DHRSX: variants seen among roughly 807,000 people sequenced by gnomAD.
DHRSX encodes polyprenol dehydrogenase.
DHRSX carries 31 observed loss-of-function variants against 34.0 expected under a neutral mutation model. The ratio of observed to expected loss-of-function variants is 0.91; its 90% confidence interval spans 0.69 to 1.23. The LOEUF (loss-of-function observed/expected upper bound fraction) is 1.23, where lower values mean the gene tolerates loss of function less well. Ranked by LOEUF, DHRSX falls within the 50% of genes most tolerant of loss-of-function variation. The pLI is 0.00. For synonymous variants in DHRSX, 201 were observed against 183.8 expected, an observed-to-expected ratio of 1.09 and a Z score of -0.76; for missense variants, 414 against 428.1, an observed-to-expected ratio of 0.97 and a Z score of 0.29.
chrX:2,233,007 T>C (rs2015931816), intron 6 of DHRSX, among the ~76,000 whole-genome samples: 1 of 152,198 alleles, frequency 6.6e-6, no homozygotes, highest in African/African-American at 2.4e-5. Context: ...TACCTGTTTC[T>C]GTACAGGCTA....
At chrX:2,358,839 C>T (rs1478443466) in intron 3 of DHRSX, among the ~76,000 whole-genome samples, 1 of 151,798 alleles carries the variant, frequency 6.6e-6, no homozygotes, top group Non-Finnish European at 1.5e-5. Context: ...ACCAAAGCTA[C>T]TTGCGAGGCT....
At chrX:2,339,835 G>A (rs2042618514) in intron 3 of DHRSX, among the ~76,000 whole-genome samples, 1 of 152,060 alleles carries the variant, frequency 6.6e-6, no homozygotes, top group Non-Finnish European at 1.5e-5. Flanking sequence ...ACATACGTGT[G>A]CATGTGTCTT....
intron 3 of DHRSX, among the ~76,000 whole-genome samples, chrX:2,305,414 T>C (rs1335982705): frequency 3.3e-5 from 5 of 152,090 alleles, no homozygotes; most frequent in Non-Finnish European, 4.4e-5. Flanking sequence ...AGTTCAACCA[T>C]TGTGGAAGAC....
chrX:2,495,447 G>C (rs1295009039), intron 1 of DHRSX, among the ~76,000 whole-genome samples: 1 of 152,016 alleles, frequency 6.6e-6, no homozygotes, highest in African/African-American at 2.4e-5. Flanking sequence ...CTAGTACCTG[G>C]AGTGAAGTTT....
chrX:2,246,748 G>GAAAGAAAGA (rs776138629), intron 5 of DHRSX, among the ~76,000 whole-genome samples: 3 of 103,876 alleles, frequency 2.9e-5, no homozygotes, highest in South Asian at 3.1e-4. Context: ...AAGAAAGAAA[G>GAAAGAAAGA]AAAAAGAAAG....
At chrX:2,468,272 G>A (rs1315940030) in intron 1 of DHRSX, among the ~76,000 whole-genome samples, 1 of 152,154 alleles carries the variant, frequency 6.6e-6, no homozygotes, top group Non-Finnish European at 1.5e-5. Context: ...CAAGGGTGTA[G>A]GGGAAGAAGG....
At chrX:2,246,559 G>T (rs1208108251) in intron 5 of DHRSX, among the ~76,000 whole-genome samples, 1 of 151,668 alleles carries the variant, frequency 6.6e-6, no homozygotes, top group African/African-American at 2.4e-5. Context: ...GGAGGTGGAG[G>T]TTGCAGTGAC....
chrX:2,260,281 T>C (rs1313708667), intron 5 of DHRSX, among the ~76,000 whole-genome samples: 1 of 148,592 alleles, frequency 6.7e-6, no homozygotes, highest in African/African-American at 2.5e-5. Flanking sequence ...CCTAGATGTT[T>C]GATTGAATGT....
intron 3 of DHRSX, among the ~76,000 whole-genome samples, chrX:2,399,844 G>A (rs2043464860): frequency 6.6e-6 from 1 of 151,648 alleles, no homozygotes. Context: ...ACCAGCCTGG[G>A]CGACATAATG....
At chrX:2,336,396 G>A (rs1485888589) in intron 3 of DHRSX, 2 of 152,054 alleles carry the variant, frequency 1.3e-5, no homozygotes, top group Admixed American at 6.6e-5. Flanking sequence ...TTCTCATTAC[G>A]TCAGACATCT....
intron 2 of DHRSX, among the ~76,000 whole-genome samples, chrX:2,414,773 C>A (rs911080962): frequency 2.0e-5 from 3 of 151,836 alleles, no homozygotes; most frequent in Non-Finnish European, 4.4e-5. Context: ...ACCTAACACA[C>A]CTGGGTCTCA....
intron 3 of DHRSX, among the ~76,000 whole-genome samples, chrX:2,295,928 C>T (rs769030246): frequency 6.6e-6 from 1 of 152,238 alleles, no homozygotes; most frequent in Admixed American, 6.5e-5. Flanking sequence ...CATACGTAGC[C>T]CATTCTCTTG....
intron 1 of DHRSX, among the ~76,000 whole-genome samples, chrX:2,451,106 A>G (rs1463803092): frequency 6.6e-6 from 1 of 151,908 alleles, no homozygotes; most frequent in Non-Finnish European, 1.5e-5. Context: ...AAGGTATTTT[A>G]TTTTAGCAGC....
chrX:2,404,813 G>C (rs2043531699), intron 3 of DHRSX, among the ~76,000 whole-genome samples: 1 of 152,084 alleles, frequency 6.6e-6, no homozygotes, highest in African/African-American at 2.4e-5. Flanking sequence ...TAATCCGACG[G>C]GGTCGGTACA....
At chrX:2,226,828 A>C (rs185777244) in intron 6 of DHRSX, among the ~76,000 whole-genome samples, 2,627 of 152,128 alleles carry the variant, frequency 0.017, 88 homozygotes, top group African/African-American at 0.061. Context: ...GAAAACACCC[A>C]GACCATGGGC....
intron 1 of DHRSX, among the ~76,000 whole-genome samples, chrX:2,453,635 T>C (rs1345994993): frequency 6.6e-6 from 1 of 152,106 alleles, no homozygotes; most frequent in Admixed American, 6.6e-5. Flanking sequence ...CATGATGCTG[T>C]ACTCCAGCCT....
intron 3 of DHRSX, among the ~76,000 whole-genome samples, chrX:2,398,298 C>G (rs1401171682): frequency 2.0e-5 from 3 of 152,168 alleles, no homozygotes; most frequent in Admixed American, 2.0e-4. Flanking sequence ...TTGGGAAACA[C>G]TCGTCAGAGC....
chrX:2,303,515 T>C (rs1002510586), intron 3 of DHRSX, among the ~76,000 whole-genome samples: 12 of 152,122 alleles, frequency 7.9e-5, no homozygotes, highest in African/African-American at 2.4e-4. Context: ...TCCATCATGA[T>C]TGTAAGTTGC....
intron 3 of DHRSX, among the ~76,000 whole-genome samples, chrX:2,402,883 CTTTTTTTTT>C (rs758977585): frequency 8.5e-6 from 1 of 117,770 alleles, no homozygotes. Flanking sequence ...TAATTGGTTT[CTTTTTTTTT>C]TTTTTTTTTT....
Sources: gnomAD v4.1 joint callset for allele counts (sites outside exome capture counted in the v4.1 genomes callset) on GRCh38, gnomAD v4.1.1 for gene constraint, MANE v1.5 for transcripts, NCBI Gene and HGNC (gene_info 2026-07-23, HGNC 2026-07-21) for gene names.